The following CSMD3 variants were observed in gnomAD, a reference collection of about 807,000 sequenced individuals.
CSMD3 encodes the protein CUB and Sushi multiple domains 3.
Under a neutral mutation model 435.2 loss-of-function variants are expected in CSMD3, and 177 were observed. That is an observed-to-expected ratio of 0.41 (90% CI 0.36 to 0.46). CSMD3 has a LOEUF of 0.46. Ranked by LOEUF, CSMD3 falls within the 20% of genes least tolerant of loss-of-function variation. The probability of loss-of-function intolerance (pLI) is 0.34; values close to 1 mark genes in which losing one functional copy is unlikely to be tolerated. For missense variants in CSMD3, 4,265 were observed against 4,504.6 expected, an observed-to-expected ratio of 0.95 and a Z score of 1.52; for synonymous variants, 1,656 against 1,520.5, an observed-to-expected ratio of 1.09 and a Z score of -2.07.
chr8:113,386,794 A>G (rs2094441317), intron 1 of CSMD3, among the ~76,000 whole-genome samples: 1 of 151,902 alleles, frequency 6.6e-6, no homozygotes, highest in African/African-American at 2.4e-5. Context: ...ACCGAAAACA[A>G]TCAATTTGGA....
At chr8:112,429,407 T>C (rs1324872794) in intron 32 of CSMD3, among the ~76,000 whole-genome samples, 2 of 152,082 alleles carry the variant, frequency 1.3e-5, no homozygotes, top group African/African-American at 4.8e-5. Context: ...TCATGTTGCA[T>C]GTGGCATTGG....
intron 31 of CSMD3, among the ~76,000 whole-genome samples, chr8:112,484,225 C>A (rs548724971): frequency 4.6e-5 from 7 of 152,068 alleles, no homozygotes; most frequent in Non-Finnish European, 8.8e-5. Context: ...GAATTTTTTT[C>A]TAACTGAATT....
Position 112,244,432 on chromosome 8 carries a change from G to T in CSMD3, c.10364C>A (p.Ser3455Tyr), listed in dbSNP as rs2130108983. 6.2e-7 allele frequency: 1 copy of T among 1,611,172 alleles called. No individual in the cohort carries two copies. The highest frequency in any genetic ancestry group is 8.5e-7 in the Non-Finnish European group (1 of 1,179,024). Residue 3455 changes from serine to tyrosine, a missense_variant, in exon 65 of 71, where the codon TCC becomes TAC. Around this residue, in one of 3 missense-constraint regions of CSMD3, gnomAD observed 3,255 missense variants for 3,380.2 expected, o/e 0.96. Coordinates refer to ENST00000297405, the MANE Select transcript of CSMD3 (RefSeq NM_198123.2). Reference protein sequence around the residue: ...AGGTEHRVCRSDNTWTGKVPI... With the variant: ...AGGTEHRVCRYDNTWTGKVPI... ...AACTTTTCCAGTCCAGGTGTTATCG[G>T]ATCTACACACTCTATGTTCTGTTCC...
At chr8:112,271,741 G>A (rs999145330) in intron 59 of CSMD3, among the ~76,000 whole-genome samples, 10 of 152,064 alleles carry the variant, frequency 6.6e-5, no homozygotes, top group South Asian at 2.1e-4. Flanking sequence ...GCACAAATCC[G>A]AACAAATGGT....
At chr8:112,787,417 T>A (rs921900443) in intron 13 of CSMD3, among the ~76,000 whole-genome samples, 4 of 152,034 alleles carry the variant, frequency 2.6e-5, no homozygotes, top group Admixed American at 6.6e-5. Context: ...AGTATGGAGG[T>A]ACCTCAAAAT....
At chr8:112,925,041 A>G (rs940151483) in intron 9 of CSMD3, among the ~76,000 whole-genome samples, 3 of 152,002 alleles carry the variant, frequency 2.0e-5, no homozygotes, top group Non-Finnish European at 4.4e-5. Flanking sequence ...TTCATGTCAT[A>G]ATTATATTTA....
intron 1 of CSMD3, among the ~76,000 whole-genome samples, chr8:113,425,047 T>C (rs1373484211): frequency 6.6e-6 from 1 of 151,532 alleles, no homozygotes; most frequent in Non-Finnish European, 1.5e-5. Flanking sequence ...CCCTATATTC[T>C]CAAAGTCTAG....
intron 32 of CSMD3, among the ~76,000 whole-genome samples, chr8:112,470,496 C>G (rs1818414443): frequency 6.6e-6 from 1 of 152,066 alleles, no homozygotes; most frequent in East Asian, 1.9e-4. Flanking sequence ...AGGGTTCAGG[C>G]TGACAATGGG....
chr8:112,397,389 T>C (rs564248621), intron 35 of CSMD3, among the ~76,000 whole-genome samples: 1 of 152,330 alleles, frequency 6.6e-6, no homozygotes, highest in South Asian at 2.1e-4. Flanking sequence ...TAAGGTAATA[T>C]GTCTTTTTCA....
chr8:113,284,825 G>A (rs970809998), intron 2 of CSMD3, among the ~76,000 whole-genome samples: 6 of 152,056 alleles, frequency 3.9e-5, no homozygotes, highest in South Asian at 2.1e-4. Context: ...TTCCCTCCGC[G>A]TTGATGCACG....
rs558842416 is a variant in CSMD3 at position 112,371,479 on chromosome 8, C to T, written c.6136+8873G>A. ...GGCATCCCCTACACTCCAGGAATTA[C>T]ACTCCCTCCTAAATGTCTCCCCCAT... is the stretch of plus-strand genomic sequence containing the variant. On this transcript the variant is annotated intron_variant, in intron 38 of 70. Coordinates refer to ENST00000297405, the MANE Select transcript of CSMD3 (RefSeq NM_198123.2). Among the ~76,000 whole-genome samples, 357 of 152,222 alleles carry T rather than the reference C, an allele frequency of 2.3e-3. 12 individuals carry two copies. The South Asian group carries it at 0.07, about 30-fold the overall frequency.
rs1021136834 is a variant in CSMD3, at chr8:112,601,376, A to G, written c.3716-14141T>C. ...AAGATCACATAATGGGTGAACTTTAAGCACAGATAGTTCTGTCTCCAGGCC... is the reference window on the plus strand; with the variant it reads ...AAGATCACATAATGGGTGAACTTTAGGCACAGATAGTTCTGTCTCCAGGCC... On this transcript the variant is annotated intron_variant, in intron 22 of 70. Transcript: ENST00000297405. Among the ~76,000 whole-genome samples, 19 of 152,154 alleles carry G rather than the reference A, an allele frequency of 1.2e-4. 1 individual carries two copies. Among genetic ancestry groups the G allele is most frequent in the African/African-American group, 4.3e-4 (18 of 41,430 alleles).
At chr8:112,302,492 G>GT in intron 52 of CSMD3, among the ~76,000 whole-genome samples, 1 of 151,980 alleles carries the variant, frequency 6.6e-6, no homozygotes, top group African/African-American at 2.4e-5. Flanking sequence ...TAATTCATCT[G>GT]TTTTTTCTAA....
chr8:113,329,988 A>G (rs1342177775), intron 1 of CSMD3, among the ~76,000 whole-genome samples: 2 of 152,128 alleles, frequency 1.3e-5, no homozygotes, highest in Non-Finnish European at 2.9e-5. Context: ...AGCAATTCAA[A>G]TCCACATAAA....
chr8:113,354,217 A>G (rs1316889524), intron 1 of CSMD3, among the ~76,000 whole-genome samples: 1 of 152,176 alleles, frequency 6.6e-6, no homozygotes, highest in Non-Finnish European at 1.5e-5. Flanking sequence ...TTCTCAGAAC[A>G]TAAAATGATT....
chr8:112,335,275 C>G (rs1824449094), intron 45 of CSMD3, 54 bp downstream of exon 45: 1 of 1,549,976 alleles, frequency 6.5e-7, no homozygotes, highest in African/African-American at 1.4e-5. Flanking sequence ...TCACTTTTTT[C>G]CAGGACAAAT....
chr8:112,458,656 A>C (rs1563562403), intron 32 of CSMD3, among the ~76,000 whole-genome samples: 1 of 152,066 alleles, frequency 6.6e-6, no homozygotes, highest in Non-Finnish European at 1.5e-5. Context: ...TTCTCTCACA[A>C]AAAGAGTTGG....
chr8:113,267,100 T>C (rs2093477806), intron 3 of CSMD3, among the ~76,000 whole-genome samples: 2 of 151,510 alleles, frequency 1.3e-5, no homozygotes, highest in Admixed American at 6.6e-5. Context: ...GCAAATAGTA[T>C]CAGATGTGCA....
chr8:112,699,971 C>T lies in CSMD3; in HGVS notation c.1973-9921G>A, dbSNP rs143172582. Reference sequence around the variant, plus strand: ...AAAAACATACACGTGTGTGTGTGTGCGTGCGTGTGTGTAGTTAGTGAAATT... The same window carrying T: ...AAAAACATACACGTGTGTGTGTGTGTGTGCGTGTGTGTAGTTAGTGAAATT... On this transcript the variant is annotated intron_variant, in intron 13 of 70. Transcript: ENST00000297405. Among the ~76,000 whole-genome samples the T allele has an allele frequency of 7.7e-4, 117 of 151,356 alleles. 2 individuals are homozygous for T. The highest frequency in any genetic ancestry group is 5.7e-3 in the Admixed American group (86 of 15,182).
Sources: allele counts gnomAD v4.1 joint callset (sites outside exome capture counted in the v4.1 genomes callset), GRCh38; gene constraint gnomAD v4.1.1; regional missense constraint gnomAD v4.1.1; transcripts MANE v1.5; gene names NCBI Gene and HGNC (gene_info 2026-07-23, HGNC 2026-07-21).